The following KCNQ1 variants were observed in gnomAD, a reference collection of about 807,000 sequenced individuals.
KCNQ1 encodes the protein potassium voltage-gated channel subfamily KQT member 1.
Under a neutral mutation model 72.4 loss-of-function variants are expected in KCNQ1, and 49 were observed. That is an observed-to-expected ratio of 0.68 (90% CI 0.54 to 0.86). The LOEUF (loss-of-function observed/expected upper bound fraction) is 0.86, where lower values mean the gene tolerates loss of function less well. KCNQ1 is among the 40% of genes least tolerant of loss of function. The pLI is 0.00. For synonymous variants in KCNQ1, 450 were observed against 412.6 expected (o/e 1.09, Z -1.10); for missense variants, 790 against 945.1 (o/e 0.84, Z 2.15).
At position 2,461,697 on chromosome 11, in the gene KCNQ1, T is replaced by C. The variant is rs751613803; in HGVS notation, c.386+16213T>C. The stretch of plus-strand genomic sequence containing the variant: ...AAAGAGCCTGTGCTTCCTGAGCCAG[T>C]GCGGGGCCTGGCATGGAGTAGGTAC... On this transcript the variant is annotated intron_variant, in intron 1 of 15. Transcript: ENST00000155840. The C allele has an allele frequency of 3.7e-6, 5 of 1,366,786 alleles. No individual in the cohort carries two copies. In the African/African-American group the frequency reaches 7.4e-5, roughly 20 times the overall value. The allele number at this position is 1,366,786 out of a possible 1,614,324, so 84.7% of individuals were successfully genotyped here.
At chr11:2,474,884 T>C (rs1846548399) in intron 1 of KCNQ1, among the ~76,000 whole-genome samples, 1 of 151,992 alleles carries the variant, frequency 6.6e-6, no homozygotes, top group Admixed American at 6.6e-5. Flanking sequence ...TCGGGCCCTT[T>C]TACAGATGGG....
chr11:2,848,404 C>T lies in KCNQ1; in HGVS notation c.*401C>T, dbSNP rs963083609. ...GGCTTCCTGAGGGGAGACAGAGCAACCCCTGGACCCCAGCCTCAAATCCAG... is the reference window on the plus strand; with the variant it reads ...GGCTTCCTGAGGGGAGACAGAGCAATCCCTGGACCCCAGCCTCAAATCCAG... On this transcript the variant is annotated 3_prime_UTR_variant, in exon 16 of 16. Coordinates refer to ENST00000155840, the MANE Select transcript of KCNQ1 (RefSeq NM_000218.3). 2.1e-6 allele frequency: 1 copy of T among 483,906 alleles called. No homozygotes were observed. Among genetic ancestry groups the T allele is most frequent in the Non-Finnish European group, 4.1e-6 (1 of 246,790 alleles). The allele number at this position is 483,906 out of a possible 1,614,324, so 30.0% of individuals were successfully genotyped here. A position where few individuals can be genotyped will look rare whatever the true frequency, so the allele number is the denominator to read the frequency against.
At chr11:2,798,917 C>A (rs1431903092) in intron 15 of KCNQ1, among the ~76,000 whole-genome samples, 1 of 151,836 alleles carries the variant, frequency 6.6e-6, no homozygotes, top group Non-Finnish European at 1.5e-5. Context: ...AGGAACAGGA[C>A]GGGGGAAGGA....
At chr11:2,697,554 G>A (rs892558601) in intron 11 of KCNQ1, 13 of 398,430 alleles carry the variant, frequency 3.3e-5, no homozygotes, top group Non-Finnish European at 4.4e-5. Context: ...GCTAAGTGGT[G>A]TACTCCACTA....
Position 2,652,757 on chromosome 11 carries a change from C to G in KCNQ1, c.1394-9204C>G, listed in dbSNP as rs916077968. 9.3e-5 allele frequency: 37 copies of G among 398,972 alleles called. No homozygotes were observed. The highest frequency in any genetic ancestry group is 1.8e-5 in the Non-Finnish European group (4 of 226,468). 24.7% of individuals were successfully genotyped at this position (398,972 alleles called of 1,614,324 possible). A position where few individuals can be genotyped will look rare whatever the true frequency, so the allele number is the denominator to read the frequency against. On this transcript the variant is annotated intron_variant, in intron 10 of 15. Transcript: ENST00000155840. The surrounding 1 kb of genome is among the most constrained non-coding windows in gnomAD (Gnocchi z 5.9). ...GGTTGACCCTGTCCTGGCTCTGTCACTGCCTGTCTTCCTCAGCGCCCCCGC... is the reference window on the plus strand; with the variant it reads ...GGTTGACCCTGTCCTGGCTCTGTCAGTGCCTGTCTTCCTCAGCGCCCCCGC...
At chr11:2,586,227 G>A (rs1352957746) in intron 8 of KCNQ1, among the ~76,000 whole-genome samples, 2 of 152,178 alleles carry the variant, frequency 1.3e-5, no homozygotes, top group Admixed American at 6.5e-5. Context: ...GGCAGCCCCC[G>A]CTGGCTGGCG....
At chr11:2,569,897 A>G (rs1013629734) in intron 2 of KCNQ1, among the ~76,000 whole-genome samples, 3 of 151,160 alleles carry the variant, frequency 2.0e-5, no homozygotes, top group Non-Finnish European at 4.4e-5. Context: ...TCTTCTTCCC[A>G]CTCCTCCAGG....
chr11:2,606,980 G>C (rs1044708407), intron 10 of KCNQ1, among the ~76,000 whole-genome samples: 6 of 138,126 alleles, frequency 4.3e-5, no homozygotes, highest in African/African-American at 1.7e-4. Context: ...ACGGCTCACT[G>C]CAAGCTCCAC....
At position 2,491,255 on chromosome 11, in the gene KCNQ1, G is replaced by C. The variant is rs921007166; in HGVS notation, c.387-36673G>C. Among the ~76,000 whole-genome samples the C allele has an allele frequency of 1.3e-5, 2 of 152,132 alleles. No homozygotes were observed. Among genetic ancestry groups the C allele is most frequent in the Admixed American group, 1.3e-4 (2 of 15,278 alleles). ...GACCTGACCAAACAAACTAAATAAA[G>C]CATCAGGGACCAATCCTGAAGAAAA... On this transcript the variant is annotated intron_variant, in intron 1 of 15. Transcript: ENST00000155840. The surrounding 1 kb of genome is among the most constrained non-coding windows in gnomAD (Gnocchi z 4.1).
At chr11:2,776,893 C>A in intron 13 of KCNQ1, 93 bp from the exon 14 acceptor site, 1 of 1,266,440 alleles carries the variant, frequency 7.9e-7, no homozygotes, top group Non-Finnish European at 1.1e-6. Context: ...CACTGTCTTG[C>A]CGGGCACGTC....
In KCNQ1 at chr11:2,704,463, A is replaced by C. The variant is rs1850874217; in HGVS notation, c.1514+42382A>C. Reference sequence around the variant, plus strand: ...ATGTCCCCACCCAAATCACATCCCCACCAGGATGGGCAGGCTCTGGGTCCT... The same window carrying C: ...ATGTCCCCACCCAAATCACATCCCCCCCAGGATGGGCAGGCTCTGGGTCCT... On this transcript the variant is annotated intron_variant, in intron 11 of 15. Coordinates refer to ENST00000155840, the MANE Select transcript of KCNQ1 (RefSeq NM_000218.3). The surrounding 1 kb of genome is among the most constrained non-coding windows in gnomAD (Gnocchi z 4.3). 6.6e-6 allele frequency among the ~76,000 whole-genome samples: 1 copy of C among 152,032 alleles called. No homozygotes were observed. Among genetic ancestry groups the C allele is most frequent in the African/African-American group, 2.4e-5 (1 of 41,404 alleles).
rs942335366 is a variant in KCNQ1, at chr11:2,478,149, G to T, written c.386+32665G>T. Among the ~76,000 whole-genome samples, 3 of 151,904 alleles carry T rather than the reference G, an allele frequency of 2.0e-5. No homozygotes were observed. The highest frequency in any genetic ancestry group is 4.2e-4 in the South Asian group (2 of 4,802). The stretch of plus-strand genomic sequence containing the variant: ...CCTGCCAAAGACACAGCTGTCCAGG[G>T]TCGAATCATCCGGAGACACAGGGCA... On this transcript the variant is annotated intron_variant, in intron 1 of 15. Transcript: ENST00000155840. The surrounding 1 kb of genome is among the most constrained non-coding windows in gnomAD (Gnocchi z 4.0).
In KCNQ1 at chr11:2,668,970, G is replaced by C; in HGVS notation, c.1514+6889G>C. ...CACTCCATCTGGGATTGATTTTTGTGTCCAATGTGAGGCCGAGGTCAAGGT... is the reference window on the plus strand; with the variant it reads ...CACTCCATCTGGGATTGATTTTTGTCTCCAATGTGAGGCCGAGGTCAAGGT... On this transcript the variant is annotated intron_variant, in intron 11 of 15. Transcript: ENST00000155840. This position sits in a 1 kb window ranked among gnomAD's most constrained non-coding sequence, Gnocchi z 4.3. The C allele has an allele frequency of 2.5e-6, 1 of 398,566 alleles. No homozygotes were observed. The highest frequency in any genetic ancestry group is 3.6e-5 in the East Asian group (1 of 28,082). The allele number at this position is 398,566 out of a possible 1,614,324, so 24.7% of individuals were successfully genotyped here.
intron 10 of KCNQ1, chr11:2,650,323 T>C (rs1006254994): frequency 2.8e-5 from 11 of 398,522 alleles, no homozygotes; most frequent in Non-Finnish European, 4.9e-5. Flanking sequence ...TTCTTGTTTT[T>C]TTCCCCCCAA....
In KCNQ1 at chr11:2,712,187, G is replaced by A. The variant is rs564320008; in HGVS notation, c.1514+50106G>A. 5.9e-5 allele frequency among the ~76,000 whole-genome samples: 9 copies of A among 152,196 alleles called. No individual in the cohort carries two copies. The highest frequency in any genetic ancestry group is 1.3e-4 in the Admixed American group (2 of 15,300). On this transcript the variant is annotated intron_variant, in intron 11 of 15. Transcript: ENST00000155840. This position sits in a 1 kb window ranked among gnomAD's most constrained non-coding sequence, Gnocchi z 6.4. ...CTCATTTAAGCCATGAACACTTGCC[G>A]GCTCTCTATTCATCCACACCCCCTG... is the stretch of plus-strand genomic sequence containing the variant.
rs376435291 is a variant in KCNQ1 at position 2,639,983 on chromosome 11, C to T, written c.1394-21978C>T. The T allele has an allele frequency of 1.4e-4, 22 of 155,298 alleles. No individual in the cohort carries two copies. In the East Asian group the frequency reaches 2.1e-3, roughly 15 times the overall value. 9.6% of individuals were successfully genotyped at this position (155,298 alleles called of 1,614,324 possible). A position where few individuals can be genotyped will look rare whatever the true frequency, so the allele number is the denominator to read the frequency against. On this transcript the variant is annotated intron_variant, in intron 10 of 15. Coordinates refer to ENST00000155840, the MANE Select transcript of KCNQ1 (RefSeq NM_000218.3). ...GCTGTGCTAGCAATGAGCGAGGCTC[C>T]ATGGGCGTGGGACCCTCCGAGCCAG...
rs955166479 is a variant in KCNQ1 at position 2,483,847 on chromosome 11, T to C, written c.386+38363T>C. On this transcript the variant is annotated intron_variant, in intron 1 of 15. Transcript: ENST00000155840. This position sits in a 1 kb window ranked among gnomAD's most constrained non-coding sequence, Gnocchi z 6.1. The stretch of plus-strand genomic sequence containing the variant: ...AGCTGTAAATTAACCATTTTCCGCT[T>C]CATAATTAGTAAACACCTTGAGGAA... Among the ~76,000 whole-genome samples, 2 of 152,152 alleles carry C rather than the reference T, an allele frequency of 1.3e-5. No homozygotes were observed. The highest frequency in any genetic ancestry group is 2.9e-5 in the Non-Finnish European group (2 of 68,040).
rs1189112552 is a variant in KCNQ1, at chr11:2,748,310, G to T, written c.1515-20534G>T. Reference sequence around the variant, plus strand: ...ACCCCCTAGCTCACCCTGGGTCCACGCAGGGCCTGCTCCCAGAGTGAATCC... The same window carrying T: ...ACCCCCTAGCTCACCCTGGGTCCACTCAGGGCCTGCTCCCAGAGTGAATCC... On this transcript the variant is annotated intron_variant, in intron 11 of 15. Transcript: ENST00000155840. This position sits in a 1 kb window ranked among gnomAD's most constrained non-coding sequence, Gnocchi z 6.2. Among the ~76,000 whole-genome samples the T allele has an allele frequency of 6.6e-6, 1 of 152,174 alleles. No homozygotes were observed. The highest frequency in any genetic ancestry group is 2.1e-4 in the South Asian group (1 of 4,832).
chr11:2,677,978 G>T lies in KCNQ1; in HGVS notation c.1514+15897G>T, dbSNP rs1331911792. The stretch of plus-strand genomic sequence containing the variant: ...TGGAGCTTTAATTTACATTTCTTTT[G>T]TTGGAAATGAGGTTTTTATCTTTCC... On this transcript the variant is annotated intron_variant, in intron 11 of 15. Coordinates refer to ENST00000155840, the MANE Select transcript of KCNQ1 (RefSeq NM_000218.3). The surrounding 1 kb of genome is among the most constrained non-coding windows in gnomAD (Gnocchi z 4.5). 2.5e-6 allele frequency: 1 copy of T among 397,864 alleles called. No homozygotes were observed. Among genetic ancestry groups the T allele is most frequent in the Non-Finnish European group, 4.4e-6 (1 of 225,986 alleles). The allele number at this position is 397,864 out of a possible 1,614,324, so 24.6% of individuals were successfully genotyped here.
Sources: allele counts gnomAD v4.1 joint callset (sites outside exome capture counted in the v4.1 genomes callset), GRCh38; gene constraint gnomAD v4.1.1; non-coding constraint Gnocchi (gnomAD v3.1); transcripts MANE v1.5; gene names NCBI Gene and HGNC (gene_info 2026-07-23, HGNC 2026-07-21).